The following PRELID2 variants were observed in gnomAD, a reference collection of about 807,000 sequenced individuals.
PRELID2 encodes the protein PRELI domain containing 2.
PRELID2 carries 25 observed loss-of-function variants against 28.4 expected under a neutral mutation model. That is an observed-to-expected ratio of 0.88 (90% CI 0.64 to 1.23). The LOEUF (loss-of-function observed/expected upper bound fraction) is 1.23, where lower values mean the gene tolerates loss of function less well. Among genes scored for constraint, PRELID2 ranks in the 50% most tolerant of loss-of-function variants. The pLI, the probability that PRELID2 is intolerant of heterozygous loss-of-function variation, is 0.00. For missense variants in PRELID2, 201 were observed against 214.4 expected, an observed-to-expected ratio of 0.94 and a Z score of 0.39; for synonymous variants, 76 against 71.6, an observed-to-expected ratio of 1.06 and a Z score of -0.31.
chr5:145,739,749 G>A (rs541752672), intron 1 of PRELID2, among the ~76,000 whole-genome samples: 4 of 152,016 alleles, frequency 2.6e-5, no homozygotes, highest in Non-Finnish European at 5.9e-5. Flanking sequence ...TTCACTGGGA[G>A]TGATAAAACA....
At position 145,757,897 on chromosome 5, in the gene PRELID2, T is replaced by C. The variant is rs1244180011; in HGVS notation, c.*2639A>G. Among the ~76,000 whole-genome samples, 1 of 150,066 alleles carries C rather than the reference T, an allele frequency of 6.7e-6. No homozygotes were observed. The highest frequency in any genetic ancestry group is 1.5e-5 in the Non-Finnish European group (1 of 67,708). On this transcript the variant is annotated 3_prime_UTR_variant, in exon 7 of 7. Coordinates refer to ENST00000683046, the MANE Select transcript of PRELID2 (RefSeq NM_205846.3). ...GCAATAGCTGCCTGCAGGGGGAAAA[T>C]TACTGAGTGAGGAAAAGTAATCCCT...
chr5:145,722,503 T>TA (rs1406498216), intron 1 of PRELID2, among the ~76,000 whole-genome samples: 1 of 105,130 alleles, frequency 9.5e-6, no homozygotes, highest in East Asian at 4.0e-4. Flanking sequence ...ATCAAATTAA[T>TA]AATTTTTTTT....
intron 1 of PRELID2, among the ~76,000 whole-genome samples, chr5:145,507,417 G>C (rs939725205): frequency 8.5e-5 from 13 of 152,176 alleles, no homozygotes; most frequent in African/African-American, 2.4e-4. Context: ...AAGTTGGAGA[G>C]AGTAGCATGT....
At chr5:145,689,208 C>T (rs1328033897) in intron 1 of PRELID2, among the ~76,000 whole-genome samples, 1 of 152,020 alleles carries the variant, frequency 6.6e-6, no homozygotes, top group African/African-American at 2.4e-5. Context: ...GAGGGTCCAG[C>T]AAAGCTGGGA....
chr5:145,701,070 C>T (rs992991261), intron 1 of PRELID2, among the ~76,000 whole-genome samples: 20 of 152,186 alleles, frequency 1.3e-4, no homozygotes, highest in African/African-American at 4.3e-4. Context: ...AGGCCAGTGG[C>T]CGAAGGCTTC....
chr5:145,297,423 C>A, the PRELID2 span, among the ~76,000 whole-genome samples: 1 of 151,866 alleles, frequency 6.6e-6, no homozygotes, highest in Non-Finnish European at 1.5e-5. Flanking sequence ...AACAACACTT[C>A]ATGCTAAAAA....
chr5:145,407,626 C>A, the PRELID2 span, among the ~76,000 whole-genome samples: 2 of 152,288 alleles, frequency 1.3e-5, no homozygotes, highest in South Asian at 4.1e-4. Context: ...ATAGGGCAAA[C>A]CTAAATTCCC....
the PRELID2 span, among the ~76,000 whole-genome samples, chr5:145,423,205 T>G: frequency 6.6e-6 from 1 of 151,666 alleles, no homozygotes; most frequent in South Asian, 2.1e-4. Context: ...AATCTGACAA[T>G]TATGTGTCTT....
the PRELID2 span, among the ~76,000 whole-genome samples, chr5:145,385,202 G>A: frequency 6.6e-6 from 1 of 152,130 alleles, no homozygotes; most frequent in Non-Finnish European, 1.5e-5. Context: ...TTTTTTAAAT[G>A]TATCTTTTAT....
intron 5 of PRELID2, among the ~76,000 whole-genome samples, chr5:145,793,863 G>T (rs1049381256): frequency 4.6e-5 from 7 of 152,156 alleles, no homozygotes; most frequent in Admixed American, 2.6e-4. Context: ...AAATCAAAGT[G>T]GGATCATGCT....
At chr5:145,347,275 T>A in the PRELID2 span, among the ~76,000 whole-genome samples, 1 of 152,184 alleles carries the variant, frequency 6.6e-6, no homozygotes, top group Admixed American at 6.6e-5. Context: ...GAAAGCTGAG[T>A]TGAAAAAAAT....
chr5:145,380,959 C>A, the PRELID2 span, among the ~76,000 whole-genome samples: 1 of 152,236 alleles, frequency 6.6e-6, no homozygotes, highest in Non-Finnish European at 1.5e-5. Context: ...TAACATAGAA[C>A]ATTAGTTCCA....
At chr5:145,431,090 C>A in the PRELID2 span, among the ~76,000 whole-genome samples, 2 of 145,446 alleles carry the variant, frequency 1.4e-5, no homozygotes, top group Non-Finnish European at 3.0e-5. Flanking sequence ...ATGTTATGGC[C>A]CAGAGAACCT....
the PRELID2 span, among the ~76,000 whole-genome samples, chr5:145,308,660 G>GTAAATATTTAT: frequency 1.3e-5 from 2 of 151,828 alleles, no homozygotes; most frequent in Admixed American, 6.6e-5. Flanking sequence ...TCTTCTTTCA[G>GTAAATATTTAT]TAAATATTTA....
chr5:145,500,463 C>T (rs985165978), intron 1 of PRELID2, among the ~76,000 whole-genome samples: 1 of 152,122 alleles, frequency 6.6e-6, no homozygotes, highest in Middle Eastern at 3.4e-3. Flanking sequence ...TCAAGTATTT[C>T]TTTATAGCAG....
At chr5:145,418,009 A>C in the PRELID2 span, among the ~76,000 whole-genome samples, 1 of 152,232 alleles carries the variant, frequency 6.6e-6, no homozygotes, top group Non-Finnish European at 1.5e-5. Context: ...ATCTCAGCCC[A>C]AAATTTTCTT....
At chr5:145,497,201 T>C (rs1752316786) in intron 1 of PRELID2, among the ~76,000 whole-genome samples, 1 of 152,134 alleles carries the variant, frequency 6.6e-6, no homozygotes, top group African/African-American at 2.4e-5. Context: ...TTTTGCATTA[T>C]GTTTTAGAGA....
At chr5:145,534,158 C>T (rs980767618) in intron 1 of PRELID2, among the ~76,000 whole-genome samples, 1 of 151,934 alleles carries the variant, frequency 6.6e-6, no homozygotes, top group African/African-American at 2.4e-5. Flanking sequence ...TATTTAGGTC[C>T]TTTGACCCAT....
At chr5:145,790,721 G>GTA (rs59779850) in intron 5 of PRELID2, among the ~76,000 whole-genome samples, 1,192 of 110,876 alleles carry the variant, frequency 0.011, 9 homozygotes, top group South Asian at 0.021. Flanking sequence ...GTGTGTGTGT[G>GTA]TATATATATA....
Sources: allele counts gnomAD v4.1 joint callset (sites outside exome capture counted in the v4.1 genomes callset), GRCh38; gene constraint gnomAD v4.1.1; transcripts MANE v1.5; gene names NCBI Gene and HGNC (gene_info 2026-07-23, HGNC 2026-07-21).